HS6ST2: variants seen among roughly 807,000 people sequenced by gnomAD.
HS6ST2 encodes the protein heparan sulfate 6-O-sulfotransferase 2.
Under a neutral mutation model 33.0 loss-of-function variants are expected in HS6ST2, and 17 were observed. The observed-to-expected ratio is 0.52, with a 90% confidence interval of 0.35 to 0.77. The LOEUF is 0.77. Ranked by LOEUF, HS6ST2 falls within the 30% of genes least tolerant of loss-of-function variation. The pLI is 0.01. For missense variants in HS6ST2, 519 were observed against 551.7 expected (o/e 0.94, Z 0.59); for synonymous variants, 248 against 237.1 (o/e 1.05, Z -0.42).
Position 132,626,680 on chromosome X carries a change from C to T in HS6ST2, c.*1543G>A, listed in dbSNP as rs1384322663. ...GTCCCTTGTGAAAACATAAATGCCA[C>T]TTTCAGTCACCTTGTTTGATTTACA... On this transcript the variant is annotated 3_prime_UTR_variant, in exon 5 of 5. Coordinates refer to ENST00000370833, the MANE Select transcript of HS6ST2 (RefSeq NM_001394073.1). 2 of 112,266 alleles carry T rather than the reference C, an allele frequency of 1.8e-5. No individual in the cohort carries two copies. The highest frequency in any genetic ancestry group is 6.5e-5 in the African/African-American group (2 of 30,927). The allele number at this position is 112,266 out of a possible 1,213,427, so 9.3% of individuals were successfully genotyped here.
chrX:132,804,517 G>A (rs911941230), intron 2 of HS6ST2, among the ~76,000 whole-genome samples: 9 of 112,281 alleles, frequency 8.0e-5, no homozygotes, highest in African/African-American at 2.6e-4. Flanking sequence ...AAGAAAAAGG[G>A]GGGTGGGCAT....
At chrX:132,775,026 A>G (rs2064943531) in intron 2 of HS6ST2, among the ~76,000 whole-genome samples, 1 of 111,010 alleles carries the variant, frequency 9.0e-6, no homozygotes, top group South Asian at 3.9e-4. Context: ...CATGGACTGC[A>G]GTGGTTACCA....
At chrX:132,794,577 T>TGATGATGATGATG (rs1160771963) in intron 2 of HS6ST2, among the ~76,000 whole-genome samples, 1 of 77,033 alleles carries the variant, frequency 1.3e-5, no homozygotes, top group African/African-American at 5.1e-5. Context: ...TGATGATGAT[T>TGATGATGATGATG]ATTATTATTA....
intron 2 of HS6ST2, among the ~76,000 whole-genome samples, chrX:132,900,730 T>G: frequency 9.0e-6 from 1 of 110,942 alleles, no homozygotes; most frequent in Non-Finnish European, 1.9e-5. Context: ...GGTAGAATAT[T>G]AAAAGTTAGA....
In HS6ST2 at chrX:132,776,776, C is replaced by T. The variant is rs774779889; in HGVS notation, c.948-68282G>A. On this transcript the variant is annotated intron_variant, in intron 2 of 4. Coordinates refer to ENST00000370833, the MANE Select transcript of HS6ST2 (RefSeq NM_001394073.1). ...TCACTAGGCCATCCCACAAACCCAC[C>T]AAATTGCAGCACCGCAGTCTTAGAA... is the stretch of plus-strand genomic sequence containing the variant. Among the ~76,000 whole-genome samples the T allele has an allele frequency of 4.5e-5, 5 of 111,518 alleles. No homozygotes were observed. The South Asian group carries it at 1.9e-3, about 43-fold the overall frequency.
intron 2 of HS6ST2, among the ~76,000 whole-genome samples, chrX:132,913,660 C>T (rs1246748634): frequency 1.8e-5 from 2 of 112,332 alleles, no homozygotes; most frequent in Non-Finnish European, 3.8e-5. Context: ...GAGATCCAGG[C>T]ATGGCCATCG....
chrX:132,893,675 G>C (rs894278889), intron 2 of HS6ST2, among the ~76,000 whole-genome samples: 5 of 111,612 alleles, frequency 4.5e-5, no homozygotes, highest in East Asian at 2.8e-4. Flanking sequence ...AGGTGGCAGT[G>C]GGGGAGGATG....
chrX:132,861,734 T>C (rs1410365147), intron 2 of HS6ST2, among the ~76,000 whole-genome samples: 2 of 112,446 alleles, frequency 1.8e-5, no homozygotes, highest in Admixed American at 1.9e-4. Context: ...CTGTTCACGT[T>C]CTTTTCCATT....
At chrX:132,756,414 C>T (rs1438159393) in intron 2 of HS6ST2, among the ~76,000 whole-genome samples, 1 of 111,611 alleles carries the variant, frequency 9.0e-6, no homozygotes, top group African/African-American at 3.3e-5. Context: ...CTCATTTAGA[C>T]TTTCTCTTCA....
intron 2 of HS6ST2, among the ~76,000 whole-genome samples, chrX:132,877,864 T>C (rs2066124219): frequency 9.1e-6 from 1 of 110,200 alleles, no homozygotes; most frequent in African/African-American, 3.3e-5. Flanking sequence ...AATTCTATTG[T>C]ATGGAAAGGG....
At chrX:132,925,690 G>A (rs891295536) in intron 2 of HS6ST2, among the ~76,000 whole-genome samples, 1 of 111,487 alleles carries the variant, frequency 9.0e-6, no homozygotes, top group South Asian at 3.9e-4. Context: ...ATTATTAGGT[G>A]GGCATGAATT....
chrX:132,886,818 T>C (rs953864315), intron 2 of HS6ST2, among the ~76,000 whole-genome samples: 4 of 111,542 alleles, frequency 3.6e-5, no homozygotes, highest in South Asian at 7.6e-4. Flanking sequence ...CAATGGAGGC[T>C]GTAGGTAGTG....
At chrX:132,799,716 C>A (rs1284173448) in intron 2 of HS6ST2, among the ~76,000 whole-genome samples, 1 of 110,839 alleles carries the variant, frequency 9.0e-6, no homozygotes, top group East Asian at 2.8e-4. Context: ...TCTACTTCTG[C>A]CACAGAATGG....
At chrX:132,731,841 C>T (rs776167758) in intron 2 of HS6ST2, among the ~76,000 whole-genome samples, 2 of 109,486 alleles carry the variant, frequency 1.8e-5, no homozygotes, top group Non-Finnish European at 3.8e-5. Flanking sequence ...AGTGAGACTC[C>T]GTCTCAGAAG....
intron 2 of HS6ST2, among the ~76,000 whole-genome samples, chrX:132,892,773 T>G (rs137878674): frequency 2.9e-3 from 324 of 111,766 alleles, no homozygotes; most frequent in African/African-American, 0.01. Context: ...GAGCCGAGAT[T>G]GTGCCACTGC....
intron 2 of HS6ST2, among the ~76,000 whole-genome samples, chrX:132,917,575 G>C (rs749560341): frequency 9.1e-6 from 1 of 109,463 alleles, no homozygotes; most frequent in East Asian, 2.9e-4. Context: ...ACTCCAGCCT[G>C]GGTGGAGACT....
At chrX:132,922,704 T>C (rs1382583294) in intron 2 of HS6ST2, among the ~76,000 whole-genome samples, 1 of 111,621 alleles carries the variant, frequency 9.0e-6, no homozygotes, top group Middle Eastern at 4.2e-3. Context: ...ATGAAATACA[T>C]TTAAGAAATA....
At chrX:132,798,254 C>T (rs1462423138) in intron 2 of HS6ST2, among the ~76,000 whole-genome samples, 2 of 110,425 alleles carry the variant, frequency 1.8e-5, no homozygotes, top group East Asian at 2.9e-4. Flanking sequence ...AGGATTTTAG[C>T]GACTTGAAAG....
intron 2 of HS6ST2, among the ~76,000 whole-genome samples, chrX:132,919,444 G>A (rs1360196353): frequency 9.0e-6 from 1 of 111,632 alleles, no homozygotes; most frequent in African/African-American, 3.3e-5. Context: ...AAGACTCTCT[G>A]GAGTTTTTCC....
Sources: allele counts gnomAD v4.1 joint callset (sites outside exome capture counted in the v4.1 genomes callset), GRCh38; gene constraint gnomAD v4.1.1; transcripts MANE v1.5; gene names NCBI Gene and HGNC (gene_info 2026-07-23, HGNC 2026-07-21).